Variants in SPATA18 observed in about 807,000 individuals in gnomAD.
The protein encoded by SPATA18 is mitochondria-eating protein.
SPATA18 carries 54 observed loss-of-function variants against 68.1 expected under a neutral mutation model. That is an observed-to-expected ratio of 0.79 (90% confidence interval 0.64 to 0.99). The LOEUF is 0.99. Ranked by LOEUF, SPATA18 falls within the 50% of genes least tolerant of loss-of-function variation. The probability of loss-of-function intolerance (pLI) is 0.00; values close to 1 mark genes in which losing one functional copy is unlikely to be tolerated. For missense variants in SPATA18, 724 were observed against 681.1 expected (o/e 1.06, Z -0.70); for synonymous variants, 242 against 244.8 (o/e 0.99, Z 0.11).
intron 11 of SPATA18, among the ~76,000 whole-genome samples, chr4:52,088,751 G>A (rs960493788): frequency 2.6e-5 from 4 of 151,984 alleles, no homozygotes; most frequent in Admixed American, 1.3e-4. Flanking sequence ...TTCTTTTTTT[G>A]TTGTGTCTCT....
At chr4:52,054,048 G>C (rs545312663) in intron 1 of SPATA18, among the ~76,000 whole-genome samples, 2 of 152,216 alleles carry the variant, frequency 1.3e-5, no homozygotes, top group Non-Finnish European at 2.9e-5. Context: ...GCTCGTCCTA[G>C]AGCAATGCTG....
rs1055804673 is a variant in SPATA18, at chr4:52,096,774, A to G, written c.*1887A>G. Reference sequence around the variant, plus strand: ...TAATGTTTTAAACAAAAAAAAAAAAACCTTACAGTCTTGCCCTGATTTACA... The same window carrying G: ...TAATGTTTTAAACAAAAAAAAAAAAGCCTTACAGTCTTGCCCTGATTTACA... On this transcript the variant is annotated 3_prime_UTR_variant, in exon 13 of 13. Transcript: ENST00000295213. The G allele has an allele frequency of 7.0e-6, 1 of 142,708 alleles. No homozygotes were observed. Among genetic ancestry groups the G allele is most frequent in the Non-Finnish European group, 1.6e-5 (1 of 63,620 alleles). 8.8% of individuals were successfully genotyped at this position (142,708 alleles called of 1,614,324 possible). A position where few individuals can be genotyped will look rare whatever the true frequency, so the allele number is the denominator to read the frequency against.
At chr4:52,093,641 A>G (rs572354399) in intron 11 of SPATA18, among the ~76,000 whole-genome samples, 1 of 152,346 alleles carries the variant, frequency 6.6e-6, no homozygotes, top group East Asian at 1.9e-4. Context: ...GAAATGGCAT[A>G]TAAGAAGAAA....
At chr4:52,093,939 T>G (rs1742197628) in intron 11 of SPATA18, among the ~76,000 whole-genome samples, 1 of 152,140 alleles carries the variant, frequency 6.6e-6, no homozygotes, top group Non-Finnish European at 1.5e-5. Context: ...GTTAGTTGGG[T>G]TTATTTTTGC....
chr4:52,074,932 A>G (rs1478691685), intron 6 of SPATA18, among the ~76,000 whole-genome samples: 2 of 152,226 alleles, frequency 1.3e-5, no homozygotes, highest in Non-Finnish European at 1.5e-5. Context: ...AGGAAAAGAC[A>G]GGAGCCTGGA....
intron 10 of SPATA18, chr4:52,083,174 A>G (rs1322946632): frequency 1.0e-6 from 1 of 985,244 alleles, no homozygotes; most frequent in Non-Finnish European, 1.2e-6. Context: ...TGGAACTGGT[A>G]GTGCTTGGAT....
At position 52,078,994 on chromosome 4, in the gene SPATA18, C is replaced by A. The variant is rs553866903; in HGVS notation, c.1179+101C>A. On this transcript the variant is annotated intron_variant, in intron 8 of 12. Coordinates refer to ENST00000295213, the MANE Select transcript of SPATA18 (RefSeq NM_145263.4). ...ATCCATCCAGTATTTAGTATTAATT[C>A]TATGTAATGAAAAAGAAGAAAGGAA... The A allele has an allele frequency of 2.4e-4, 289 of 1,220,148 alleles. 2 individuals carry two copies. The highest frequency in any genetic ancestry group is 7.7e-5 in the South Asian group (3 of 39,016). The allele number at this position is 1,220,148 out of a possible 1,614,324, so 75.6% of individuals were successfully genotyped here. A position where few individuals can be genotyped will look rare whatever the true frequency, so the allele number is the denominator to read the frequency against.
chr4:52,070,937 G>A (rs764192212), intron 5 of SPATA18, among the ~76,000 whole-genome samples: 4 of 150,674 alleles, frequency 2.7e-5, no homozygotes, highest in African/African-American at 4.9e-5. Context: ...GATTATCTTC[G>A]CATGTGTTCC....
intron 11 of SPATA18, among the ~76,000 whole-genome samples, chr4:52,092,528 A>G (rs1164727660): frequency 1.3e-5 from 2 of 152,138 alleles, no homozygotes; most frequent in African/African-American, 4.8e-5. Context: ...CTTGCCCTCC[A>G]TGGGCTACAC....
At position 52,079,880 on chromosome 4, in the gene SPATA18, T is replaced by C. The variant is rs768447449; in HGVS notation, c.1316T>C (p.Ile439Thr). ...AMQALEPPLD[I>T]AYGADGEVFN... ...CAGGCCTTAGAACCACCCCTAGATA[T>C]TGCATATGGAGCAGATGGAGAAGTT... Residue 439 changes from isoleucine (I) to threonine (T), a missense_variant, in exon 9 of 13, where the codon ATT becomes ACT. By Grantham distance (89) the Ile-to-Thr change is moderately conservative. Coordinates refer to ENST00000295213, the MANE Select transcript of SPATA18 (RefSeq NM_145263.4). 6 of 1,613,730 alleles carry C rather than the reference T, an allele frequency of 3.7e-6. No individual in the cohort carries two copies. The highest frequency in any genetic ancestry group is 2.2e-5 in the East Asian group (1 of 44,878).
At chr4:52,071,857 T>A (rs1354063064) in intron 5 of SPATA18, 60 bp from the exon 6 acceptor site, 1 of 1,543,946 alleles carries the variant, frequency 6.5e-7, no homozygotes, top group East Asian at 2.3e-5. Context: ...TTTCCTTCCT[T>A]CCTTCACTCC....
chr4:52,063,008 G>T (rs1376916387), intron 4 of SPATA18, among the ~76,000 whole-genome samples: 1 of 152,176 alleles, frequency 6.6e-6, no homozygotes. Context: ...AATTGTATGT[G>T]GACTTTGGGT....
rs1344390969 is a variant in SPATA18 at position 52,069,825 on chromosome 4, G to A, written c.427G>A (p.Val143Ile). 1.3e-6 allele frequency: 2 copies of A among 1,571,680 alleles called. No individual in the cohort carries two copies. Among genetic ancestry groups the A allele is most frequent in the African/African-American group, 2.7e-5 (2 of 74,160 alleles). The change falls in exon 5 of 13, where the codon GTT (valine) becomes ATT (isoleucine). Residue 143 changes from valine to isoleucine, a missense_variant. Transcript: ENST00000295213. ...SQCNQVQDDL[V>I]ETEKNLEESK... is the part of the protein sequence containing the mutation. ...AGTTACTGATTTATCTTACAGTCTG[G>A]TTGAAACTGAAAAGAATCTTGAAGA...
intron 7 of SPATA18, among the ~76,000 whole-genome samples, chr4:52,077,394 T>G (rs962752169): frequency 3.8e-5 from 5 of 132,616 alleles, no homozygotes; most frequent in Admixed American, 2.4e-4. Context: ...CCTTTCTCCC[T>G]TCTTCCTCCA....
In SPATA18 at chr4:52,095,200, G is replaced by A. The variant is rs977540363; in HGVS notation, c.*313G>A. 2 of 415,516 alleles carry A rather than the reference G, an allele frequency of 4.8e-6. No individual in the cohort carries two copies. The highest frequency in any genetic ancestry group is 3.8e-5 in the South Asian group (1 of 26,010). The allele number at this position is 415,516 out of a possible 1,614,324, so 25.7% of individuals were successfully genotyped here. ...CAAGATTTCCATCTCAAAACACTAC[G>A]CTCTTTTATGGGAACTGTGTGAACT... On this transcript the variant is annotated 3_prime_UTR_variant, in exon 13 of 13. Coordinates refer to ENST00000295213, the MANE Select transcript of SPATA18 (RefSeq NM_145263.4).
intron 7 of SPATA18, chr4:52,078,246 C>T (rs1412227730): frequency 6.6e-6 from 1 of 152,352 alleles, no homozygotes; most frequent in African/African-American, 2.4e-5. Flanking sequence ...AAAGCTCTGT[C>T]AATGTACAGA....
chr4:52,077,397 T>A (rs1740481682), intron 7 of SPATA18, among the ~76,000 whole-genome samples: 1 of 129,908 alleles, frequency 7.7e-6, no homozygotes. Context: ...TTCTCCCTTC[T>A]TCCTCCATTG....
chr4:52,096,558 T>C lies in SPATA18; in HGVS notation c.*1671T>C, dbSNP rs1199337768. The C allele has an allele frequency of 6.6e-6, 1 of 152,106 alleles. No individual in the cohort carries two copies. Among genetic ancestry groups the C allele is most frequent in the Non-Finnish European group, 1.5e-5 (1 of 68,026 alleles). The allele number at this position is 152,106 out of a possible 1,614,324, so 9.4% of individuals were successfully genotyped here. A position where few individuals can be genotyped will look rare whatever the true frequency, so the allele number is the denominator to read the frequency against. ...ATAAAGCAGAAAAAAAGGCAACTTTTAATAAAATAAAATGTATTTCAATAA... is the reference window on the plus strand; with the variant it reads ...ATAAAGCAGAAAAAAAGGCAACTTTCAATAAAATAAAATGTATTTCAATAA... On this transcript the variant is annotated 3_prime_UTR_variant, in exon 13 of 13. Coordinates refer to ENST00000295213, the MANE Select transcript of SPATA18 (RefSeq NM_145263.4).
intron 4 of SPATA18, among the ~76,000 whole-genome samples, chr4:52,068,245 C>G (rs937522219): frequency 1.3e-5 from 2 of 152,164 alleles, no homozygotes; most frequent in South Asian, 4.1e-4. Flanking sequence ...ATATTAGTTT[C>G]CTTTCAATCT....
Sources: allele counts gnomAD v4.1 joint callset (sites outside exome capture counted in the v4.1 genomes callset), GRCh38; gene constraint gnomAD v4.1.1; transcripts MANE v1.5; gene names NCBI Gene and HGNC (gene_info 2026-07-23, HGNC 2026-07-21).